EBF2: variants seen among roughly 807,000 people sequenced by gnomAD.
EBF2 encodes EBF transcription factor 2.
Under a neutral mutation model 72.8 loss-of-function variants are expected in EBF2, and 21 were observed. That is an observed-to-expected ratio of 0.29 (90% CI 0.20 to 0.42). The LOEUF (loss-of-function observed/expected upper bound fraction) is 0.42. EBF2 is among the 10% of genes least tolerant of loss of function. The probability of loss-of-function intolerance (pLI) is 1.00; values close to 1 mark genes in which losing one functional copy is unlikely to be tolerated. For missense variants in EBF2, 637 were observed against 731.2 expected, an observed-to-expected ratio of 0.87 and a Z score of 1.49; for synonymous variants, 299 against 274.2, an observed-to-expected ratio of 1.09 and a Z score of -0.89.
At chr8:25,987,501 A>C (rs936745869) in intron 6 of EBF2, among the ~76,000 whole-genome samples, 10 of 152,100 alleles carry the variant, frequency 6.6e-5, no homozygotes, top group Admixed American at 6.5e-4. Context: ...CCATCGTATC[A>C]CCTTTTATGT....
intron 8 of EBF2, among the ~76,000 whole-genome samples, chr8:25,888,573 A>C (rs1802729429): frequency 6.6e-6 from 1 of 151,722 alleles, no homozygotes; most frequent in Admixed American, 6.6e-5. Flanking sequence ...TTAATGGGCC[A>C]GAGAGAGAGA....
intron 6 of EBF2, among the ~76,000 whole-genome samples, chr8:26,025,585 C>G (rs1805291037): frequency 6.6e-6 from 1 of 152,144 alleles, no homozygotes; most frequent in Non-Finnish European, 1.5e-5. Context: ...AGCACCACCT[C>G]TGCAATCATG....
intron 14 of EBF2, among the ~76,000 whole-genome samples, chr8:25,856,774 T>G (rs1802103129): frequency 1.3e-5 from 2 of 152,212 alleles, no homozygotes; most frequent in African/African-American, 4.8e-5. Context: ...ATAGCCACCT[T>G]TCTTCTGAGC....
Position 26,042,125 on chromosome 8 carries a change from C to A in EBF2, c.258G>T (p.Thr86=), listed in dbSNP as rs754443593. ...CATTCTCCACAAAGTCCACGAAGGC[C>A]GTCCGCTCGATCTCCACCGGCTGGC... ...RQGQPVEIER[T]AFVDFVENDK... The change falls in exon 2 of 16, where the codon ACG becomes ACT. Residue 86 remains threonine, a synonymous_variant. Coordinates refer to ENST00000520164, the MANE Select transcript of EBF2 (RefSeq NM_022659.4). 2 of 1,613,594 alleles carry A rather than the reference C, an allele frequency of 1.2e-6. No individual in the cohort carries two copies. The highest frequency in any genetic ancestry group is 2.7e-5 in the African/African-American group (2 of 74,772).
In EBF2 at chr8:26,042,088, C is replaced by G. The variant is rs1805610979; in HGVS notation, c.288+7G>C. On this transcript the variant is annotated splice_region_variant and intron_variant, in intron 2 of 15. Transcript: ENST00000520164. The stretch of plus-strand genomic sequence containing the variant: ...GCCGCGGGGTTTGGGGGGTACTTTC[C>G]GCTTACTTTGTCATTCTCCACAAAG... The G allele has an allele frequency of 5.6e-6, 9 of 1,612,770 alleles. No homozygotes were observed. The highest frequency in any genetic ancestry group is 1.7e-5 in the Admixed American group (1 of 59,940).
chr8:25,874,853 C>CT (rs1183233269), intron 10 of EBF2, among the ~76,000 whole-genome samples: 8,412 of 99,468 alleles, frequency 0.085, 997 homozygotes, highest in African/African-American at 0.29. Flanking sequence ...GCCTGGCTAA[C>CT]TTTTTTTTTT....
intron 6 of EBF2, among the ~76,000 whole-genome samples, chr8:26,005,881 G>A (rs1804873100): frequency 6.6e-6 from 1 of 150,994 alleles, no homozygotes; most frequent in African/African-American, 2.4e-5. Context: ...ATGCTTTGAA[G>A]CACTGACTTC....
chr8:25,934,850 A>G (rs767601439), intron 6 of EBF2, among the ~76,000 whole-genome samples: 1 of 152,078 alleles, frequency 6.6e-6, no homozygotes, highest in Non-Finnish European at 1.5e-5. Flanking sequence ...CGCCATTGCC[A>G]AAAACACAAA....
intron 13 of EBF2, among the ~76,000 whole-genome samples, chr8:25,859,786 G>A (rs1426575749): frequency 6.7e-6 from 1 of 150,238 alleles, no homozygotes; most frequent in African/African-American, 2.5e-5. Context: ...GCACAGTCAT[G>A]GCTCACTGCA....
chr8:25,929,290 G>A (rs1803441004), intron 6 of EBF2, among the ~76,000 whole-genome samples: 1 of 152,134 alleles, frequency 6.6e-6, no homozygotes, highest in South Asian at 2.1e-4. Context: ...ATGTGAACAG[G>A]GCATCCTGGC....
At chr8:25,959,137 G>C (rs1024166407) in intron 6 of EBF2, among the ~76,000 whole-genome samples, 1 of 152,204 alleles carries the variant, frequency 6.6e-6, no homozygotes, top group African/African-American at 2.4e-5. Context: ...TCTTCAATAT[G>C]TTGGGTTGTT....
intron 6 of EBF2, among the ~76,000 whole-genome samples, chr8:25,914,726 C>T (rs932950693): frequency 2.0e-5 from 3 of 152,144 alleles, no homozygotes; most frequent in Admixed American, 6.5e-5. Flanking sequence ...TAGGCTTAAA[C>T]GAAATGAAGT....
At chr8:25,885,207 T>TC in intron 10 of EBF2, among the ~76,000 whole-genome samples, 1 of 114,050 alleles carries the variant, frequency 8.8e-6, no homozygotes. Context: ...CTTACCAGGC[T>TC]CCTTTTTTTT....
chr8:25,876,249 C>T (rs971516273), intron 10 of EBF2, among the ~76,000 whole-genome samples: 13 of 152,048 alleles, frequency 8.5e-5, no homozygotes, highest in African/African-American at 3.1e-4. Flanking sequence ...ACAACACACA[C>T]TGTCGGTGGG....
chr8:26,001,651 C>T (rs565676651), intron 6 of EBF2, among the ~76,000 whole-genome samples: 6 of 152,132 alleles, frequency 3.9e-5, no homozygotes, highest in South Asian at 2.1e-4. Flanking sequence ...CGAGTTCAAG[C>T]GATTCTCCTG....
intron 6 of EBF2, among the ~76,000 whole-genome samples, chr8:25,919,718 C>T (rs181547474): frequency 1.5e-3 from 227 of 151,488 alleles, no homozygotes; most frequent in African/African-American, 5.3e-3. Flanking sequence ...GGCTGTTGGC[C>T]AAAGCCGGGA....
chr8:26,039,010 CCAAT>C (rs1383387605), intron 5 of EBF2, among the ~76,000 whole-genome samples: 1 of 152,102 alleles, frequency 6.6e-6, no homozygotes, highest in Admixed American at 6.5e-5. Context: ...GACTTTCCCT[CCAAT>C]CAAAGATTTT....
chr8:25,978,978 C>G (rs1804314086), intron 6 of EBF2, among the ~76,000 whole-genome samples: 1 of 152,160 alleles, frequency 6.6e-6, no homozygotes, highest in African/African-American at 2.4e-5. Flanking sequence ...ACGGGCTGCT[C>G]AAACCACGCA....
At chr8:25,902,920 A>G (rs1221427555) in intron 7 of EBF2, among the ~76,000 whole-genome samples, 1 of 152,240 alleles carries the variant, frequency 6.6e-6, no homozygotes, top group Non-Finnish European at 1.5e-5. Flanking sequence ...TGTGGTGAGC[A>G]GCAGGCAGAT....
Sources: gnomAD v4.1 joint callset for allele counts (sites outside exome capture counted in the v4.1 genomes callset) on GRCh38, gnomAD v4.1.1 for gene constraint, MANE v1.5 for transcripts, NCBI Gene and HGNC (gene_info 2026-07-23, HGNC 2026-07-21) for gene names.